FUT8: variants seen among roughly 807,000 people sequenced by gnomAD.
FUT8 encodes the protein alpha-(1,6)-fucosyltransferase.
A neutral mutation model predicts 71.3 loss-of-function variants in FUT8; 29 were observed. The observed-to-expected ratio is 0.41, with a 90% CI of 0.30 to 0.55. FUT8 has a LOEUF of 0.55. Ranked by LOEUF, FUT8 falls within the 20% of genes least tolerant of loss-of-function variation. The probability of loss-of-function intolerance (pLI) is 0.34; values close to 1 mark genes in which losing one functional copy is unlikely to be tolerated. For missense variants in FUT8, 544 were observed against 702.1 expected (o/e 0.77, Z 2.55); for synonymous variants, 254 against 239.3 (o/e 1.06, Z -0.57).
chr14:65,705,061 T>C (rs1894492506), intron 7 of FUT8, among the ~76,000 whole-genome samples: 1 of 152,228 alleles, frequency 6.6e-6, no homozygotes, highest in African/African-American at 2.4e-5. Flanking sequence ...CACTGCACTA[T>C]GTTTCATATG....
At chr14:65,612,046 A>G (rs769675593) in intron 3 of FUT8, among the ~76,000 whole-genome samples, 5 of 152,158 alleles carry the variant, frequency 3.3e-5, no homozygotes, top group African/African-American at 7.2e-5. Context: ...TGTTATTTCT[A>G]TGGTGATTCT....
rs548117376 is a variant in FUT8, at chr14:65,503,506, G to C, written c.-228+47788G>C. ...CTTGCCTTGAGCCAAATGAAACTTT[G>C]AATAGAGCCCAAATTTATGAAATTG... On this transcript the variant is annotated intron_variant, in intron 2 of 10. Transcript: ENST00000673929. 1.4e-4 allele frequency among the ~76,000 whole-genome samples: 22 copies of C among 152,230 alleles called. No homozygotes were observed. The East Asian group carries it at 3.9e-3, about 27-fold the overall frequency.
the FUT8 span, among the ~76,000 whole-genome samples, chr14:65,383,474 C>A: frequency 6.6e-6 from 1 of 152,032 alleles, no homozygotes; most frequent in Admixed American, 6.6e-5. Context: ...GGGGTTTCAC[C>A]ATGTTGGCCA....
intron 1 of FUT8, among the ~76,000 whole-genome samples, chr14:65,427,151 C>T (rs759961782): frequency 2.0e-5 from 3 of 152,104 alleles, no homozygotes; most frequent in South Asian, 2.1e-4. Context: ...CGTGAACCAC[C>T]GCGCCTGGCC....
intron 2 of FUT8, among the ~76,000 whole-genome samples, chr14:65,536,969 C>CTTTTT (rs57549287): frequency 8.0e-6 from 1 of 124,564 alleles, no homozygotes; most frequent in Non-Finnish European, 1.7e-5. Context: ...TCTTCTTCTT[C>CTTTTT]TTTTTTTTTT....
At chr14:65,734,365 C>G (rs1160063554) in intron 10 of FUT8, among the ~76,000 whole-genome samples, 1 of 152,082 alleles carries the variant, frequency 6.6e-6, no homozygotes, top group Non-Finnish European at 1.5e-5. Flanking sequence ...TATTATATGA[C>G]AATACACATT....
chr14:65,432,710 G>T (rs193053678), intron 1 of FUT8, among the ~76,000 whole-genome samples: 3 of 152,258 alleles, frequency 2.0e-5, no homozygotes, highest in African/African-American at 7.2e-5. Context: ...AAATGGCAAT[G>T]AGAGTGACCT....
intron 3 of FUT8, among the ~76,000 whole-genome samples, chr14:65,584,603 A>G (rs1034496753): frequency 3.3e-5 from 5 of 152,256 alleles, no homozygotes; most frequent in African/African-American, 9.6e-5. Flanking sequence ...AGATAGAAAT[A>G]TAATAGATCA....
chr14:65,407,226 A>C (rs1420277024), upstream of FUT8, among the ~76,000 whole-genome samples: 1 of 152,202 alleles, frequency 6.6e-6, no homozygotes, highest in East Asian at 1.9e-4. Flanking sequence ...CTCTATCCTA[A>C]GTTGGAAACT....
the FUT8 span, among the ~76,000 whole-genome samples, chr14:65,394,588 T>A: frequency 6.6e-6 from 1 of 152,200 alleles, no homozygotes; most frequent in African/African-American, 2.4e-5. Context: ...GGCAAGTCCC[T>A]TCCACCTATG....
intron 8 of FUT8, 117 bp from the exon 9 acceptor site, chr14:65,724,030 G>A: frequency 1.5e-6 from 1 of 672,782 alleles, no homozygotes; most frequent in Non-Finnish European, 2.3e-6. Context: ...TAGTGAAAAT[G>A]AAAGAAAAAT....
chr14:65,557,385 T>A (rs1414132944), intron 2 of FUT8, among the ~76,000 whole-genome samples: 1 of 149,182 alleles, frequency 6.7e-6, no homozygotes, highest in African/African-American at 2.5e-5. Flanking sequence ...CAGGCTGGAG[T>A]GTGGTGTTGT....
chr14:65,423,961 G>C (rs2065342247), intron 1 of FUT8, among the ~76,000 whole-genome samples: 1 of 152,042 alleles, frequency 6.6e-6, no homozygotes, highest in Non-Finnish European at 1.5e-5. Context: ...CATTTATTTT[G>C]AAGTAGCACG....
intron 1 of FUT8, among the ~76,000 whole-genome samples, chr14:65,422,027 C>G (rs1328756910): frequency 6.6e-6 from 1 of 152,048 alleles, no homozygotes; most frequent in Admixed American, 6.6e-5. Context: ...CCTCGTGACC[C>G]CCTGATTTAG....
At chr14:65,491,575 C>G (rs2066482610) in intron 2 of FUT8, among the ~76,000 whole-genome samples, 1 of 152,018 alleles carries the variant, frequency 6.6e-6, no homozygotes, top group African/African-American at 2.4e-5. Context: ...TAATAAAACA[C>G]ATTCATTAAG....
chr14:65,505,833 A>G (rs56143532), intron 2 of FUT8, among the ~76,000 whole-genome samples: 2,719 of 152,010 alleles, frequency 0.018, 43 homozygotes, highest in Non-Finnish European at 0.029. Context: ...TCTTTTTGTG[A>G]CCATCTCCAA....
chr14:65,464,530 T>G lies in FUT8; in HGVS notation c.-228+8812T>G, dbSNP rs79813771. Among the ~76,000 whole-genome samples, 910 of 152,292 alleles carry G rather than the reference T, an allele frequency of 6.0e-3. 10 individuals are homozygous for G. The highest frequency in any genetic ancestry group is 0.034 in the East Asian group (178 of 5,184). On this transcript the variant is annotated intron_variant, in intron 2 of 10. Coordinates refer to ENST00000673929, the MANE Select transcript of FUT8 (RefSeq NM_001371533.1). ...TTTATTTATCAAGTGGAGGAAATCCTCCTCTATTTCTAGTTTGCTGAGAAC... is the reference window on the plus strand; with the variant it reads ...TTTATTTATCAAGTGGAGGAAATCCGCCTCTATTTCTAGTTTGCTGAGAAC...
At chr14:65,614,404 A>G (rs1889173084) in intron 3 of FUT8, among the ~76,000 whole-genome samples, 1 of 152,240 alleles carries the variant, frequency 6.6e-6, no homozygotes, top group African/African-American at 2.4e-5. Context: ...CAATATATGT[A>G]CGTATTAATT....
chr14:65,677,917 A>T (rs1189886544), intron 7 of FUT8, among the ~76,000 whole-genome samples: 1 of 152,196 alleles, frequency 6.6e-6, no homozygotes, highest in Non-Finnish European at 1.5e-5. Context: ...CAGAGACTTC[A>T]CTAGATCCAT....
Sources: allele counts gnomAD v4.1 joint callset (sites outside exome capture counted in the v4.1 genomes callset), GRCh38; gene constraint gnomAD v4.1.1; transcripts MANE v1.5; gene names NCBI Gene and HGNC (gene_info 2026-07-23, HGNC 2026-07-21).